LMTK2: variants seen among roughly 807,000 people sequenced by gnomAD.
LMTK2 encodes the protein serine/threonine-protein kinase LMTK2.
Under a neutral mutation model 127.5 loss-of-function variants are expected in LMTK2, and 37 were observed. The observed-to-expected ratio is 0.29, with a 90% CI of 0.22 to 0.38. LMTK2 has a LOEUF of 0.38. LMTK2 is among the 10% of genes least tolerant of loss of function. The pLI is 1.00. For synonymous variants in LMTK2, 819 were observed against 810.1 expected, an observed-to-expected ratio of 1.01 and a Z score of -0.19; for missense variants, 1,694 against 1,920.3, an observed-to-expected ratio of 0.88 and a Z score of 2.20.
At chr7:98,196,035 T>C (rs201795173) in intron 11 of LMTK2, among the ~76,000 whole-genome samples, 2 of 151,772 alleles carry the variant, frequency 1.3e-5, no homozygotes, top group East Asian at 3.9e-4. Flanking sequence ...ACTAAAAATA[T>C]AAAAATTAGC....
chr7:98,135,099 G>T (rs748282101), intron 1 of LMTK2, among the ~76,000 whole-genome samples: 1 of 152,132 alleles, frequency 6.6e-6, no homozygotes, highest in Non-Finnish European at 1.5e-5. Flanking sequence ...ACTTAGTTCT[G>T]TTTGCAGTTC....
chr7:98,112,968 T>C (rs565777854), intron 1 of LMTK2, among the ~76,000 whole-genome samples: 2 of 152,272 alleles, frequency 1.3e-5, no homozygotes, highest in South Asian at 2.1e-4. Flanking sequence ...GCAATCCTCC[T>C]GCCTCAGCCT....
At position 98,171,724 on chromosome 7, in the gene LMTK2, G is replaced by T; in HGVS notation, c.791+50G>T. The T allele has an allele frequency of 6.7e-7, 1 of 1,495,728 alleles. No individual in the cohort carries two copies. 92.7% of individuals were successfully genotyped at this position (1,495,728 alleles called of 1,614,324 possible). A position where few individuals can be genotyped will look rare whatever the true frequency, so the allele number is the denominator to read the frequency against. The stretch of plus-strand genomic sequence containing the variant: ...CGCCCCACACAGCACCGGCGGGACA[G>T]TCCAGAGAGGCTGCCGAGTTTGTGA... On this transcript the variant is annotated intron_variant, in intron 7 of 13. Transcript: ENST00000297293. This position sits in a 1 kb window ranked among gnomAD's most constrained non-coding sequence, Gnocchi z 5.1.
Position 98,193,213 on chromosome 7 carries a change from T to G in LMTK2, c.2748T>G (p.Ser916Arg). 6.2e-7 allele frequency: 1 copy of G among 1,612,886 alleles called. No homozygotes were observed. The highest frequency in any genetic ancestry group is 1.1e-5 in the South Asian group (1 of 91,012). The change falls in exon 11 of 14, where the codon AGT becomes AGG. Residue 916 changes from serine to arginine, a missense_variant. Ser to Arg is a moderately radical substitution (Grantham distance 110). Around this residue, in one of 8 missense-constraint regions of LMTK2, gnomAD observed 527 missense variants for 539.8 expected, o/e 0.98. Transcript: ENST00000297293. This position sits in a 1 kb window ranked among gnomAD's most constrained non-coding sequence, Gnocchi z 4.1. ...TTGCCAGCAGGGTGAGTGTAGGGAG[T>G]AGTCTCCCGGAACTGGGACAGGAAT... ...DILASRVSVG[S>R]SLPELGQELH...
At chr7:98,117,003 A>T (rs1455870019) in intron 1 of LMTK2, among the ~76,000 whole-genome samples, 1 of 152,200 alleles carries the variant, frequency 6.6e-6, no homozygotes, top group Non-Finnish European at 1.5e-5. Flanking sequence ...CATTCTCATC[A>T]CATCACATCA....
chr7:98,167,404 G>A (rs1797116682), intron 6 of LMTK2, among the ~76,000 whole-genome samples: 1 of 152,208 alleles, frequency 6.6e-6, no homozygotes, highest in African/African-American at 2.4e-5. Context: ...TTCAGGGACT[G>A]GCTTTGGCTG....
Position 98,193,214 on chromosome 7 carries a change from A to G in LMTK2, c.2749A>G (p.Ser917Gly), listed in dbSNP as rs762942767. The part of the protein sequence containing the change: ...ILASRVSVGS[S>G]LPELGQELHN... ...TGCCAGCAGGGTGAGTGTAGGGAGT[A>G]GTCTCCCGGAACTGGGACAGGAATT... The change falls in exon 11 of 14, where the codon AGT (serine) becomes GGT (glycine). Residue 917 changes from serine (S) to glycine (G), a missense_variant. Ser to Gly is a moderately conservative substitution (Grantham distance 56, BLOSUM62 0). This residue lies in a region of LMTK2 where 527 missense variants were observed against 539.8 expected (regional missense o/e 0.98). Transcript: ENST00000297293. The surrounding 1 kb of genome is among the most constrained non-coding windows in gnomAD (Gnocchi z 4.1). 9 of 1,613,644 alleles carry G rather than the reference A, an allele frequency of 5.6e-6. No homozygotes were observed. The Admixed American group carries it at 1.3e-4, about 24-fold the overall frequency.
At chr7:98,188,950 T>A (rs1402342353) in intron 9 of LMTK2, among the ~76,000 whole-genome samples, 1 of 152,202 alleles carries the variant, frequency 6.6e-6, no homozygotes, top group Non-Finnish European at 1.5e-5. Context: ...ATGTGTGTAT[T>A]TGTTTGCACT....
chr7:98,175,967 C>T (rs1797270688), intron 7 of LMTK2, among the ~76,000 whole-genome samples: 1 of 152,200 alleles, frequency 6.6e-6, no homozygotes, highest in South Asian at 2.1e-4. Context: ...TTCTATAACT[C>T]ATATCATGAA....
At chr7:98,134,837 G>T (rs1279864911) in intron 1 of LMTK2, among the ~76,000 whole-genome samples, 1 of 152,186 alleles carries the variant, frequency 6.6e-6, no homozygotes, top group Non-Finnish European at 1.5e-5. Flanking sequence ...ACACAAGTGT[G>T]TCTGTGGTTA....
intron 7 of LMTK2, among the ~76,000 whole-genome samples, chr7:98,181,586 A>T (rs1209929371): frequency 6.6e-6 from 1 of 152,232 alleles, no homozygotes; most frequent in Non-Finnish European, 1.5e-5. Context: ...TAGCATAAGG[A>T]AGACATATAG....
chr7:98,124,391 G>A (rs1437437028), intron 1 of LMTK2, among the ~76,000 whole-genome samples: 1 of 152,218 alleles, frequency 6.6e-6, no homozygotes, highest in Non-Finnish European at 1.5e-5. Context: ...GCTCATGACT[G>A]TTTCCCAGCA....
rs141759251 is a variant in LMTK2 at position 98,192,334 on chromosome 7, C to T, written c.1869C>T (p.His623=). The stretch of plus-strand genomic sequence containing the variant: ...ACTCTAGCTTACCAGGGGACTTACA[C>T]GTGACCAGTGGCCCCGAGAGCCCTT... ...PKDSSLPGDL[H]VTSGPESPFN... Residue 623 remains histidine, a synonymous_variant, in exon 11 of 14, where the codon CAC becomes CAT. Coordinates refer to ENST00000297293, the MANE Select transcript of LMTK2 (RefSeq NM_014916.4). 5.5e-5 allele frequency: 87 copies of T among 1,571,122 alleles called. No homozygotes were observed. In the East Asian group the frequency reaches 7.1e-4, roughly 13 times the overall value.
At chr7:98,165,639 C>T (rs143890961) in intron 6 of LMTK2, among the ~76,000 whole-genome samples, 7 of 152,216 alleles carry the variant, frequency 4.6e-5, no homozygotes, top group African/African-American at 1.7e-4. Context: ...CCACTACCAG[C>T]GGGAGGCCTC....
At chr7:98,156,984 A>G (rs1241274473) in intron 5 of LMTK2, among the ~76,000 whole-genome samples, 1 of 152,202 alleles carries the variant, frequency 6.6e-6, no homozygotes, top group Non-Finnish European at 1.5e-5. Context: ...ACGGTGCCTC[A>G]GGTCTATAAT....
At chr7:98,163,558 A>C (rs1797045174) in intron 6 of LMTK2, among the ~76,000 whole-genome samples, 1 of 152,230 alleles carries the variant, frequency 6.6e-6, no homozygotes, top group Non-Finnish European at 1.5e-5. Flanking sequence ...CAGGTTTTCC[A>C]GCAGCAAGGA....
At chr7:98,141,069 C>CA (rs112518899) in intron 2 of LMTK2, among the ~76,000 whole-genome samples, 52,688 of 104,288 alleles carry the variant, frequency 0.51, 12,416 homozygotes, top group Middle Eastern at 0.68. Flanking sequence ...AACCTTGTCT[C>CA]AAAAAAAAAA....
chr7:98,107,295 G>C lies in LMTK2; in HGVS notation c.103+15G>C. ...AACAGGTGCAGGTGAGCGGGCCCGC[G>C]GCGGGGACGGGGCTGCGGGGTCTTC... is the stretch of plus-strand genomic sequence containing the variant. On this transcript the variant is annotated intron_variant, in intron 1 of 13. Transcript: ENST00000297293. The C allele has an allele frequency of 7.5e-7, 1 of 1,337,778 alleles. No individual in the cohort carries two copies. The highest frequency in any genetic ancestry group is 9.6e-7 in the Non-Finnish European group (1 of 1,046,820). 82.9% of individuals were successfully genotyped at this position (1,337,778 alleles called of 1,614,324 possible). A position where few individuals can be genotyped will look rare whatever the true frequency, so the allele number is the denominator to read the frequency against.
chr7:98,109,323 T>G (rs1340065889), intron 1 of LMTK2, among the ~76,000 whole-genome samples: 1 of 152,188 alleles, frequency 6.6e-6, no homozygotes, highest in African/African-American at 2.4e-5. Context: ...TAAGGAAATA[T>G]TTGGTAATTT....
Sources: gnomAD v4.1 joint callset for allele counts (sites outside exome capture counted in the v4.1 genomes callset) on GRCh38, gnomAD v4.1.1 for gene constraint, gnomAD v4.1.1 regional missense constraint, Gnocchi (gnomAD v3.1) non-coding constraint, MANE v1.5 for transcripts, NCBI Gene and HGNC (gene_info 2026-07-23, HGNC 2026-07-21) for gene names.